Variants in TNIK observed in about 807,000 individuals in gnomAD.
TNIK encodes TRAF2 and NCK-interacting protein kinase.
TNIK carries 49 observed loss-of-function variants against 191.3 expected under a neutral mutation model. The observed-to-expected ratio is 0.26, with a 90% CI of 0.20 to 0.32. TNIK has a LOEUF of 0.32. Ranked by LOEUF, TNIK falls within the 10% of genes least tolerant of loss-of-function variation. The probability of loss-of-function intolerance (pLI) is 1.00; values close to 1 mark genes in which losing one functional copy is unlikely to be tolerated. For synonymous variants in TNIK, 594 were observed against 600.9 expected, an observed-to-expected ratio of 0.99 and a Z score of 0.17; for missense variants, 1,155 against 1,702.3, an observed-to-expected ratio of 0.68 and a Z score of 5.66.
intron 1 of TNIK, among the ~76,000 whole-genome samples, chr3:171,440,629 G>A (rs570994308): frequency 2.0e-4 from 31 of 152,318 alleles, no homozygotes; most frequent in African/African-American, 7.0e-4. Flanking sequence ...TGTAAGTCAC[G>A]AGCAGGCATT....
intron 1 of TNIK, among the ~76,000 whole-genome samples, chr3:171,420,754 GT>G (rs1419251233): frequency 6.6e-6 from 1 of 152,108 alleles, no homozygotes; most frequent in Non-Finnish European, 1.5e-5. Flanking sequence ...TAAAATAAGG[GT>G]TACTCGAACG....
chr3:171,199,828 A>G lies in TNIK; in HGVS notation c.307-5193T>C, dbSNP rs1739190816. On this transcript the variant is annotated intron_variant, in intron 4 of 32. Transcript: ENST00000436636. ...GATATAATGCTGCTAGCAGCCAAAA[A>G]TCTCAAGATGTATTTATGATGTTTC... Among the ~76,000 whole-genome samples, 3 of 152,204 alleles carry G rather than the reference A, an allele frequency of 2.0e-5. No individual in the cohort carries two copies. In the South Asian group the frequency reaches 6.2e-4, roughly 31 times the overall value.
chr3:171,140,654 G>A (rs1730692582), intron 12 of TNIK, 145 bp from the exon 13 acceptor site: 2 of 696,664 alleles, frequency 2.9e-6, no homozygotes, highest in South Asian at 1.7e-5. Flanking sequence ...CTCCGGGGCT[G>A]TTGGAGGGTA....
intron 4 of TNIK, among the ~76,000 whole-genome samples, chr3:171,200,724 C>T (rs964301109): frequency 5.3e-5 from 8 of 152,218 alleles, no homozygotes; most frequent in African/African-American, 1.9e-4. Context: ...CTAAACTTCC[C>T]TTTCCTGCCC....
chr3:171,269,284 A>G (rs1041216524), intron 2 of TNIK, among the ~76,000 whole-genome samples: 2 of 152,244 alleles, frequency 1.3e-5, no homozygotes, highest in Non-Finnish European at 2.9e-5. Flanking sequence ...CTAAATGAAT[A>G]AATACATTAT....
chr3:171,279,230 A>G (rs1750145429), intron 2 of TNIK, among the ~76,000 whole-genome samples: 1 of 152,178 alleles, frequency 6.6e-6, no homozygotes, highest in Non-Finnish European at 1.5e-5. Flanking sequence ...TCATCTGAAG[A>G]TATCTACCAA....
intron 2 of TNIK, among the ~76,000 whole-genome samples, chr3:171,239,851 T>C (rs1411213158): frequency 6.6e-6 from 1 of 152,048 alleles, no homozygotes; most frequent in Admixed American, 6.6e-5. Context: ...AGTAGTCAAG[T>C]GCCTCTCAGA....
intron 5 of TNIK, among the ~76,000 whole-genome samples, chr3:171,192,424 T>A (rs1219351130): frequency 6.6e-6 from 1 of 152,180 alleles, no homozygotes; most frequent in Non-Finnish European, 1.5e-5. Context: ...GCCAGAGACC[T>A]TTGGGTGATC....
At chr3:171,459,690 A>ACACACACACACACACG (rs1553784769) in intron 1 of TNIK, among the ~76,000 whole-genome samples, 6 of 151,664 alleles carry the variant, frequency 4.0e-5, no homozygotes, top group Non-Finnish European at 7.4e-5. Context: ...ACACACACAC[A>ACACACACACACACACG]CACACACACA....
chr3:171,399,748 A>C (rs1003456774), intron 1 of TNIK, among the ~76,000 whole-genome samples: 1 of 152,234 alleles, frequency 6.6e-6, no homozygotes, highest in Non-Finnish European at 1.5e-5. Flanking sequence ...AAAAGTAAGA[A>C]GACTGGAAGA....
chr3:171,091,353 G>A (rs1377624011), intron 23 of TNIK, among the ~76,000 whole-genome samples: 1 of 152,100 alleles, frequency 6.6e-6, no homozygotes, highest in Non-Finnish European at 1.5e-5. Context: ...TTCCAACTAG[G>A]ATTTATACCA....
chr3:171,287,546 G>A (rs1751154576), intron 2 of TNIK, among the ~76,000 whole-genome samples: 1 of 152,168 alleles, frequency 6.6e-6, no homozygotes, highest in Non-Finnish European at 1.5e-5. Flanking sequence ...TTTCCACTAT[G>A]TGTTATGAAT....
intron 23 of TNIK, among the ~76,000 whole-genome samples, chr3:171,088,455 G>A (rs753660685): frequency 1.3e-5 from 2 of 152,094 alleles, no homozygotes; most frequent in Admixed American, 6.6e-5. Flanking sequence ...GGCTGGTGTC[G>A]AATTCCTGAC....
At chr3:171,256,548 A>T (rs899606627) in intron 2 of TNIK, among the ~76,000 whole-genome samples, 1 of 152,202 alleles carries the variant, frequency 6.6e-6, no homozygotes, top group East Asian at 1.9e-4. Flanking sequence ...ATGAAGAATC[A>T]TGGGGAGCTA....
chr3:171,114,017 A>G (rs998719349), intron 18 of TNIK, among the ~76,000 whole-genome samples: 6 of 136,036 alleles, frequency 4.4e-5, no homozygotes, highest in East Asian at 4.2e-4. Context: ...AAAAAAAAAA[A>G]GCAGCATTCT....
intron 1 of TNIK, among the ~76,000 whole-genome samples, chr3:171,415,749 G>C (rs1722962024): frequency 6.6e-6 from 1 of 151,950 alleles, no homozygotes; most frequent in Non-Finnish European, 1.5e-5. Context: ...GGGATGTAGA[G>C]GCGGGCAGAT....
intron 2 of TNIK, among the ~76,000 whole-genome samples, chr3:171,284,158 C>T (rs1750771058): frequency 6.6e-6 from 1 of 151,938 alleles, no homozygotes; most frequent in African/African-American, 2.4e-5. Context: ...TGTGTCTTAG[C>T]CCCTCATTGT....
chr3:171,295,882 C>T (rs1251428614), intron 2 of TNIK, among the ~76,000 whole-genome samples: 1 of 152,164 alleles, frequency 6.6e-6, no homozygotes, highest in African/African-American at 2.4e-5. Context: ...ACATGCCCCT[C>T]CCAGGATCTT....
intron 2 of TNIK, among the ~76,000 whole-genome samples, chr3:171,258,586 T>A (rs1747183656): frequency 6.6e-6 from 1 of 152,022 alleles, no homozygotes; most frequent in South Asian, 2.1e-4. Flanking sequence ...AAAAGCCAAG[T>A]CCAGACTCCT....
Sources: gnomAD v4.1 joint callset for allele counts (sites outside exome capture counted in the v4.1 genomes callset) on GRCh38, gnomAD v4.1.1 for gene constraint, MANE v1.5 for transcripts, NCBI Gene and HGNC (gene_info 2026-07-23, HGNC 2026-07-21) for gene names.